Variants in ARK2C observed in about 807,000 individuals in gnomAD.
ARK2C encodes the protein E3 ubiquitin-protein ligase ARK2C.
chr18:46,352,931 G>A, the ARK2C span, among the ~76,000 whole-genome samples: 15 of 152,212 alleles, frequency 9.9e-5, no homozygotes, highest in African/African-American at 3.4e-4. Context: ...GATCCTGGGT[G>A]GAGCTCCTCC....
chr18:46,382,978 C>G, the ARK2C span, among the ~76,000 whole-genome samples: 1 of 152,226 alleles, frequency 6.6e-6, no homozygotes, highest in Non-Finnish European at 1.5e-5. Flanking sequence ...TGTATTAATA[C>G]TCACTCCCCC....
the ARK2C span, among the ~76,000 whole-genome samples, chr18:46,405,826 C>G: frequency 7.9e-5 from 12 of 152,052 alleles, no homozygotes; most frequent in Non-Finnish European, 1.8e-4. Context: ...TTTGGGGTTA[C>G]TGCTGTGAGA....
the ARK2C span, among the ~76,000 whole-genome samples, chr18:46,405,129 C>T: frequency 3.8e-4 from 58 of 152,186 alleles, no homozygotes; most frequent in African/African-American, 1.3e-3. Flanking sequence ...TTATTTTCAA[C>T]ATGTCTATGG....
the ARK2C span, among the ~76,000 whole-genome samples, chr18:46,365,142 T>C: frequency 6.6e-6 from 1 of 152,318 alleles, no homozygotes; most frequent in Non-Finnish European, 1.5e-5. Context: ...CCTGCCTTCT[T>C]GTTAGAGGTG....
the ARK2C span, chr18:46,457,029 T>A: frequency 5.8e-6 from 1 of 173,354 alleles, no homozygotes; most frequent in Non-Finnish European, 1.2e-5. Context: ...CATGTAGGGG[T>A]CTCTAGCTAT....
the ARK2C span, among the ~76,000 whole-genome samples, chr18:46,348,204 G>A: frequency 1.3e-5 from 2 of 150,236 alleles, no homozygotes; most frequent in Non-Finnish European, 3.0e-5. Flanking sequence ...AAGGGGTGGG[G>A]TGAGGGCGTT....
At chr18:46,446,708 A>C in the ARK2C span, among the ~76,000 whole-genome samples, 1 of 151,750 alleles carries the variant, frequency 6.6e-6, no homozygotes, top group African/African-American at 2.4e-5. Flanking sequence ...AAAGAAAAAA[A>C]AAAAGAAAGG....
the ARK2C span, among the ~76,000 whole-genome samples, chr18:46,355,681 G>A: frequency 2.6e-4 from 39 of 152,106 alleles, no homozygotes. Flanking sequence ...AAGTGCCCCT[G>A]GCTGCCCCTG....
chr18:46,381,227 C>T, the ARK2C span, among the ~76,000 whole-genome samples: 98 of 152,372 alleles, frequency 6.4e-4, no homozygotes, highest in African/African-American at 2.3e-3. Flanking sequence ...TCTTCTGTGG[C>T]CAAAGCCTGA....
chr18:46,346,721 G>A, the ARK2C span, among the ~76,000 whole-genome samples: 2 of 152,214 alleles, frequency 1.3e-5, no homozygotes, highest in Admixed American at 1.3e-4. Flanking sequence ...CCTGGGAAGT[G>A]TTTAGAAAAG....
the ARK2C span, among the ~76,000 whole-genome samples, chr18:46,359,090 G>GT: frequency 6.6e-6 from 1 of 152,232 alleles, no homozygotes; most frequent in Admixed American, 6.5e-5. Flanking sequence ...AGGAGAGGCA[G>GT]TAACATCCAC....
At chr18:46,433,106 AGGCTGCC>A in the ARK2C span, 1 of 1,046,062 alleles carries the variant, frequency 9.6e-7, no homozygotes, top group South Asian at 1.7e-5. Flanking sequence ...CACCAGCCCC[AGGCTGCC>A]CCGGGTGGGC....
At chr18:46,456,057 G>T in the ARK2C span, 3 of 1,610,282 alleles carry the variant, frequency 1.9e-6, no homozygotes, top group Admixed American at 1.7e-5. Context: ...GTCTGTCTAT[G>T]CTGGAAGATG....
the ARK2C span, among the ~76,000 whole-genome samples, chr18:46,338,968 C>G: frequency 9.2e-5 from 14 of 152,172 alleles, no homozygotes; most frequent in African/African-American, 2.4e-4. Flanking sequence ...CTCCTCTCCC[C>G]CCATGGCTGC....
At chr18:46,336,605 A>C in the ARK2C span, 1 of 985,452 alleles carries the variant, frequency 1.0e-6, no homozygotes, top group Non-Finnish European at 1.2e-6. Context: ...AGAGTTTGCC[A>C]GCTTAAATCT....
At chr18:46,339,215 T>G in the ARK2C span, among the ~76,000 whole-genome samples, 1 of 152,192 alleles carries the variant, frequency 6.6e-6, no homozygotes, top group Admixed American at 6.5e-5. Context: ...CAATCCAACC[T>G]CAACAATAAT....
At chr18:46,449,969 A>AG in the ARK2C span, among the ~76,000 whole-genome samples, 534 of 152,298 alleles carry the variant, frequency 3.5e-3, 5 homozygotes, top group African/African-American at 0.011. Flanking sequence ...ATTGTACCTC[A>AG]TTTACCCCAT....
chr18:46,440,586 G>A, the ARK2C span, among the ~76,000 whole-genome samples: 1 of 152,284 alleles, frequency 6.6e-6, no homozygotes, highest in East Asian at 1.9e-4. Flanking sequence ...TATGTATCTC[G>A]AGAGATAATG....
At chr18:46,444,323 A>AT in the ARK2C span, among the ~76,000 whole-genome samples, 8 of 151,770 alleles carry the variant, frequency 5.3e-5, no homozygotes, top group African/African-American at 1.2e-4. Flanking sequence ...TATTTCAGCC[A>AT]TTTTTTCCCT....
Sources: gnomAD v4.1 joint callset for allele counts (sites outside exome capture counted in the v4.1 genomes callset) on GRCh38, gnomAD v4.1.1 for gene constraint, MANE v1.5 for transcripts, NCBI Gene and HGNC (gene_info 2026-07-23, HGNC 2026-07-21) for gene names.